USP9Y: variants seen among roughly 807,000 people sequenced by gnomAD.
USP9Y encodes the protein ubiquitin carboxyl-terminal hydrolase 9Y.
In USP9Y, 41 loss-of-function variants were observed where a neutral mutation model predicts 53.1. That is an observed-to-expected ratio of 0.77 (90% CI 0.60 to 1.00). The LOEUF is 1.00. Ranked by LOEUF, USP9Y falls within the 50% of genes least tolerant of loss-of-function variation. The probability of loss-of-function intolerance (pLI) is 0.00; values close to 1 mark genes in which losing one functional copy is unlikely to be tolerated. For missense variants in USP9Y, 567 were observed against 535.8 expected, an observed-to-expected ratio of 1.06 and a Z score of -0.58; for synonymous variants, 220 against 173.7, an observed-to-expected ratio of 1.27 and a Z score of -2.09.
chrY:12,706,296 A>G, intron 1 of USP9Y, among the ~76,000 whole-genome samples: 1 of 33,602 alleles, frequency 3.0e-5, no homozygotes, highest in African/African-American at 1.2e-4. Context: ...ATCCTCACTT[A>G]AAGCAGCTTG....
intron 39 of USP9Y, among the ~76,000 whole-genome samples, chrY:12,844,614 A>G (rs1467392625): frequency 3.0e-5 from 1 of 33,067 alleles, no homozygotes; most frequent in East Asian, 7.8e-4. Flanking sequence ...CAAAAATCCT[A>G]TTTTATACTA....
chrY:12,786,608 C>T lies in USP9Y; in HGVS notation c.3369C>T (p.Gly1123=). The change falls in exon 24 of 46, where the codon GGC becomes GGT. Residue 1123 remains glycine (G), a synonymous_variant. Coordinates refer to ENST00000338981, the MANE Select transcript of USP9Y (RefSeq NM_004654.4). ...AAGTTCACTTCTTGAAAAGTGGTGGCTTACCTCTTGTACTGAGTATGCTAA... is the reference window on the plus strand; with the variant it reads ...AAGTTCACTTCTTGAAAAGTGGTGGTTTACCTCTTGTACTGAGTATGCTAA... ...DFQVHFLKSG[G]LPLVLSMLIR... is the part of the protein sequence containing the mutation. The T allele has an allele frequency of 5.1e-6, 2 of 392,522 alleles. No individual in the cohort carries two copies. The highest frequency in any genetic ancestry group is 1.4e-4 in the African/African-American group (2 of 14,580).
At chrY:12,826,934 G>T in intron 33 of USP9Y, among the ~76,000 whole-genome samples, 1 of 33,036 alleles carries the variant, frequency 3.0e-5, no homozygotes, top group African/African-American at 1.2e-4. Flanking sequence ...GGAAACAAAT[G>T]AGAGCCCTGC....
At chrY:12,810,602 G>T (rs78290851) in intron 28 of USP9Y, 70 bp from the exon 29 acceptor site, 4 of 332,374 alleles carry the variant, frequency 1.2e-5, no homozygotes, top group Non-Finnish European at 1.7e-5. Context: ...AATTTTTCTG[G>T]GTTTAAAAAA....
chrY:12,811,208 A>G (rs928702923), intron 29 of USP9Y, among the ~76,000 whole-genome samples: 2 of 33,823 alleles, frequency 5.9e-5, no homozygotes, highest in Non-Finnish European at 7.4e-5. Context: ...ACAAAGTTCT[A>G]TGAGAGTATA....
intron 27 of USP9Y, among the ~76,000 whole-genome samples, chrY:12,801,748 A>C (rs1030048577): frequency 5.9e-5 from 2 of 34,001 alleles, no homozygotes; most frequent in African/African-American, 2.3e-4. Flanking sequence ...TGCATAAAAT[A>C]ATGACATTTG....
chrY:12,810,862 G>A (rs2053530063), intron 29 of USP9Y, 44 bp downstream of exon 29: 11 of 361,074 alleles, frequency 3.0e-5, no homozygotes, highest in Non-Finnish European at 4.4e-5. Flanking sequence ...GACCAAATCA[G>A]CTGTCTTATT....
intron 3 of USP9Y, among the ~76,000 whole-genome samples, chrY:12,715,604 G>A: frequency 3.0e-5 from 1 of 32,968 alleles, no homozygotes; most frequent in Non-Finnish European, 7.5e-5. Context: ...GAGCCACCAC[G>A]CCCAGCCTCT....
chrY:12,705,679 G>C, intron 1 of USP9Y, among the ~76,000 whole-genome samples: 1 of 32,653 alleles, frequency 3.1e-5, no homozygotes, highest in African/African-American at 1.2e-4. Context: ...GTCTTTCCCT[G>C]TCTCTTGTGG....
In USP9Y at chrY:12,709,540, C is replaced by A. The variant is rs779387501; in HGVS notation, c.93C>A (p.Asn31Lys). 17 of 393,338 alleles carry A rather than the reference C, an allele frequency of 4.3e-5. No individual in the cohort carries two copies. The highest frequency in any genetic ancestry group is 5.7e-5 in the Non-Finnish European group (16 of 278,876). ...AGTCTCAGCATCTCTTCCAACAGAA[C>A]CAGGTAGGAGTAAGACTGTGTTGTT... ...DGQSQHLFQQ[N>K]QTSSPDSSNE... Residue 31 changes from asparagine to lysine, a missense_variant, in exon 3 of 46, where the codon AAC becomes AAA. Physicochemically the swap from Asn to Lys is moderately conservative, Grantham distance 94. Transcript: ENST00000338981.
At chrY:12,845,822 C>T (rs893624909) in intron 39 of USP9Y, among the ~76,000 whole-genome samples, 1 of 32,977 alleles carries the variant, frequency 3.0e-5, no homozygotes, top group Non-Finnish European at 7.5e-5. Context: ...TCCCAAGAAG[C>T]TCGGATTACA....
At chrY:12,832,311 A>T in intron 33 of USP9Y, among the ~76,000 whole-genome samples, 1 of 33,817 alleles carries the variant, frequency 3.0e-5, no homozygotes, top group African/African-American at 1.1e-4. Flanking sequence ...TACCACAGTA[A>T]TATTAATTAA....
At chrY:12,789,561 G>A (rs2053505410) in intron 24 of USP9Y, among the ~76,000 whole-genome samples, 1 of 33,437 alleles carries the variant, frequency 3.0e-5, no homozygotes, top group Admixed American at 2.7e-4. Context: ...GAACCCAGGA[G>A]GGAGAGGTTG....
intron 42 of USP9Y, among the ~76,000 whole-genome samples, chrY:12,854,948 T>G: frequency 3.0e-5 from 1 of 33,668 alleles, no homozygotes; most frequent in South Asian, 6.6e-4. Context: ...TGCCAAGCAG[T>G]GTTATTATCA....
At chrY:12,788,851 G>C in intron 24 of USP9Y, among the ~76,000 whole-genome samples, 1 of 29,768 alleles carries the variant, frequency 3.4e-5, no homozygotes, top group Non-Finnish European at 8.0e-5. Context: ...CTCCCAAGTA[G>C]CTGGGACTCC....
At chrY:12,786,930 A>G in intron 24 of USP9Y, 130 bp downstream of exon 24, 2 of 133,707 alleles carry the variant, frequency 1.5e-5, no homozygotes, top group African/African-American at 1.8e-4. Flanking sequence ...AAATAATTCA[A>G]CAGATAGCAT....
At chrY:12,761,546 G>A in intron 15 of USP9Y, among the ~76,000 whole-genome samples, 1 of 33,389 alleles carries the variant, frequency 3.0e-5, no homozygotes, top group East Asian at 8.0e-4. Flanking sequence ...TTTGTGTGCT[G>A]GAGCACACAG....
intron 27 of USP9Y, among the ~76,000 whole-genome samples, chrY:12,804,219 G>A: frequency 6.0e-5 from 2 of 33,338 alleles, no homozygotes; most frequent in Non-Finnish European, 1.5e-4. Flanking sequence ...CACTTTTAAA[G>A]TCACACTAGT....
chrY:12,726,489 A>G, intron 6 of USP9Y, 86 bp from the exon 7 acceptor site: 1 of 232,753 alleles, frequency 4.3e-6, no homozygotes, highest in African/African-American at 7.8e-5. Context: ...AGAAAAATGG[A>G]AAGAGATTAT....
Sources: allele counts gnomAD v4.1 joint callset (sites outside exome capture counted in the v4.1 genomes callset), GRCh38; gene constraint gnomAD v4.1.1; transcripts MANE v1.5; gene names NCBI Gene and HGNC (gene_info 2026-07-23, HGNC 2026-07-21).